The following VPS13A variants were observed in gnomAD, a reference collection of about 807,000 sequenced individuals.
VPS13A encodes the protein vacuolar protein sorting 13 homolog A, also known as intermembrane lipid transfer protein VPS13A.
VPS13A carries 264 observed loss-of-function variants against 390.9 expected under a neutral mutation model. The observed-to-expected ratio is 0.68, with a 90% confidence interval of 0.61 to 0.75. The LOEUF (loss-of-function observed/expected upper bound fraction) is 0.75. VPS13A is among the 30% of genes least tolerant of loss of function. VPS13A has a pLI of 0.00. For synonymous variants in VPS13A, 1,231 were observed against 1,227.1 expected (o/e 1.00, Z -0.07); for missense variants, 3,409 against 3,733.9 (o/e 0.91, Z 2.27).
Position 77,280,475 on chromosome 9 carries a change from A to AT in VPS13A, c.2904+247dup, listed in dbSNP as rs34699806. On this transcript the variant is annotated intron_variant, in intron 27 of 71. Coordinates refer to ENST00000360280, the MANE Select transcript of VPS13A (RefSeq NM_033305.3). ...CTAAGTAGAAATGACCTGGAGTTTGATTTTTTTTTTCTCCCAACAGGGGTA... is the reference window on the plus strand; with the variant it reads ...CTAAGTAGAAATGACCTGGAGTTTGATTTTTTTTTTTCTCCCAACAGGGGTA... 0.023 allele frequency among the ~76,000 whole-genome samples: 3,402 copies of AT among 149,920 alleles called. 56 individuals carry two copies. Among genetic ancestry groups the AT allele is most frequent in the East Asian group, 0.04 (206 of 5,120 alleles).
intron 68 of VPS13A, among the ~76,000 whole-genome samples, chr9:77,389,223 G>T (rs1370775415): frequency 2.0e-5 from 3 of 151,150 alleles, no homozygotes; most frequent in Non-Finnish European, 4.4e-5. Flanking sequence ...AACTTCTAAA[G>T]ATTAAAAAAG....
At chr9:77,240,169 G>A (rs901915180) in intron 19 of VPS13A, among the ~76,000 whole-genome samples, 1 of 138,078 alleles carries the variant, frequency 7.2e-6, no homozygotes, top group African/African-American at 2.7e-5. Context: ...TTCAACCTCT[G>A]CCTCCTGGGT....
intron 20 of VPS13A, 87 bp downstream of exon 20, chr9:77,247,482 T>A: frequency 5.2e-6 from 7 of 1,355,580 alleles, no homozygotes; most frequent in Non-Finnish European, 7.0e-6. Flanking sequence ...ACAGTTTGAT[T>A]TATTGCTTTT....
chr9:77,299,329 A>G lies in VPS13A; in HGVS notation c.3812+3483A>G, dbSNP rs377361424. 1.4e-4 allele frequency among the ~76,000 whole-genome samples: 21 copies of G among 152,272 alleles called. No homozygotes were observed. The East Asian group carries it at 3.7e-3, about 27-fold the overall frequency. ...TGGTAGCTTGATGTGAATAGCATTG[A>G]ATCTATAAATTACTTTGGGCAGTAT... On this transcript the variant is annotated intron_variant, in intron 33 of 71. Transcript: ENST00000360280.
intron 71 of VPS13A, among the ~76,000 whole-genome samples, chr9:77,414,492 A>G (rs1587741500): frequency 6.6e-6 from 1 of 152,060 alleles, no homozygotes; most frequent in African/African-American, 2.4e-5. Flanking sequence ...CACAAGGACA[A>G]AAAACCAAAC....
At position 77,311,494 on chromosome 9, in the gene VPS13A, T is replaced by A. The variant is rs1040273279; in HGVS notation, c.4115-2498T>A. Among the ~76,000 whole-genome samples, 9 of 152,284 alleles carry A rather than the reference T, an allele frequency of 5.9e-5. No individual in the cohort carries two copies. In the East Asian group the frequency reaches 9.6e-4, roughly 16 times the overall value. On this transcript the variant is annotated intron_variant, in intron 35 of 71. Coordinates refer to ENST00000360280, the MANE Select transcript of VPS13A (RefSeq NM_033305.3). The stretch of plus-strand genomic sequence containing the variant: ...TCTCATTACAAGGCCTGGTTTTTTT[T>A]AAATAATGATAAAAGTGTCAATTCA...
intron 5 of VPS13A, among the ~76,000 whole-genome samples, chr9:77,207,274 A>G (rs1825734010): frequency 9.5e-6 from 1 of 104,946 alleles, no homozygotes; most frequent in African/African-American, 2.8e-5. Flanking sequence ...TATGTAACAT[A>G]ACATGCATAT....
At chr9:77,277,660 G>C (rs1418496865) in intron 26 of VPS13A, among the ~76,000 whole-genome samples, 1 of 152,026 alleles carries the variant, frequency 6.6e-6, no homozygotes, top group Admixed American at 6.5e-5. Context: ...TCACATAATT[G>C]GAATCATATA....
Position 77,416,139 on chromosome 9 carries a change from C to A in VPS13A, c.*133C>A. 1.8e-6 allele frequency: 2 copies of A among 1,111,132 alleles called. No homozygotes were observed. Among genetic ancestry groups the A allele is most frequent in the Non-Finnish European group, 1.3e-6 (1 of 761,722 alleles). The allele number at this position is 1,111,132 out of a possible 1,614,324, so 68.8% of individuals were successfully genotyped here. A position where few individuals can be genotyped will look rare whatever the true frequency, so the allele number is the denominator to read the frequency against. ...TATTCTGGATGCTAAAAAACAAAAACAAACAAAAAAACAAAAACAAAAAAA... is the reference window on the plus strand; with the variant it reads ...TATTCTGGATGCTAAAAAACAAAAAAAAACAAAAAAACAAAAACAAAAAAA... On this transcript the variant is annotated 3_prime_UTR_variant, in exon 72 of 72. Transcript: ENST00000360280.
At chr9:77,359,020 T>TAAGC (rs1334321140) in intron 57 of VPS13A, among the ~76,000 whole-genome samples, 1 of 152,172 alleles carries the variant, frequency 6.6e-6, no homozygotes, top group Non-Finnish European at 1.5e-5. Context: ...GTATAATGCG[T>TAAGC]AAGCCCTTCC....
At chr9:77,230,304 C>G (rs1823754337) in intron 17 of VPS13A, among the ~76,000 whole-genome samples, 1 of 151,900 alleles carries the variant, frequency 6.6e-6, no homozygotes, top group South Asian at 2.1e-4. Flanking sequence ...TCTTTGCCTA[C>G]TCCAGTGGTA....
In VPS13A at chr9:77,421,204, T is replaced by C. The variant is rs965604606; in HGVS notation, c.*5198T>C. The C allele has an allele frequency of 6.6e-6, 1 of 152,222 alleles. No individual in the cohort carries two copies. Among genetic ancestry groups the C allele is most frequent in the Admixed American group, 6.5e-5 (1 of 15,284 alleles). The allele number at this position is 152,222 out of a possible 1,614,324, so 9.4% of individuals were successfully genotyped here. The stretch of plus-strand genomic sequence containing the variant: ...ATTGATTATGATAATTTTAAAAATA[T>C]CTATTTCTGCATCGCTGCAGGATTT... On this transcript the variant is annotated 3_prime_UTR_variant, in exon 72 of 72. Transcript: ENST00000360280.
chr9:77,382,725 CTTCCTGCTT>C (rs1449080881), intron 68 of VPS13A: 1 of 987,278 alleles, frequency 1.0e-6, no homozygotes, highest in African/African-American at 1.7e-5. Flanking sequence ...CCATGACCCT[CTTCCTGCTT>C]TATTCTAGTG....
intron 34 of VPS13A, among the ~76,000 whole-genome samples, chr9:77,304,952 T>G (rs1183296891): frequency 6.6e-6 from 1 of 151,768 alleles, no homozygotes; most frequent in Non-Finnish European, 1.5e-5. Context: ...CTTTTTTTTT[T>G]TTTTGAGATG....
At chr9:77,188,835 G>A (rs553234937) in intron 1 of VPS13A, among the ~76,000 whole-genome samples, 6 of 151,298 alleles carry the variant, frequency 4.0e-5, no homozygotes, top group East Asian at 1.9e-4. Flanking sequence ...GTGTAGGATC[G>A]TATCTCACTA....
At chr9:77,272,728 C>T (rs376348217) in intron 23 of VPS13A, among the ~76,000 whole-genome samples, 11 of 151,962 alleles carry the variant, frequency 7.2e-5, no homozygotes, top group South Asian at 2.1e-4. Context: ...GAATGAGATC[C>T]GGGAGGAACA....
intron 46 of VPS13A, among the ~76,000 whole-genome samples, chr9:77,333,371 A>G (rs1260953418): frequency 6.6e-6 from 1 of 151,578 alleles, no homozygotes; most frequent in African/African-American, 2.4e-5. Flanking sequence ...CTGACTAAGT[A>G]CTTCATCTTA....
chr9:77,353,671 A>T (rs566142956), intron 54 of VPS13A, 30 bp downstream of exon 54: 1 of 1,550,298 alleles, frequency 6.5e-7, no homozygotes, highest in East Asian at 2.3e-5. Flanking sequence ...GGATACATTT[A>T]AATGATCAGT....
At chr9:77,363,404 AT>A (rs61370510) in intron 59 of VPS13A, among the ~76,000 whole-genome samples, 27,931 of 78,698 alleles carry the variant, frequency 0.35, 3,839 homozygotes, top group African/African-American at 0.57. Context: ...TTTTTTTTTT[AT>A]TTTTTTTTTT....
Sources: gnomAD v4.1 joint callset for allele counts (sites outside exome capture counted in the v4.1 genomes callset) on GRCh38, gnomAD v4.1.1 for gene constraint, MANE v1.5 for transcripts, NCBI Gene and HGNC (gene_info 2026-07-23, HGNC 2026-07-21) for gene names.